The following NSUN4 variants were observed in gnomAD, a reference collection of about 807,000 sequenced individuals.
The protein encoded by NSUN4 is NOP2/Sun RNA methyltransferase 4, also known as 5-cytosine rRNA methyltransferase NSUN4.
In NSUN4, 31 loss-of-function variants were observed where a neutral mutation model predicts 43.8. The ratio of observed to expected loss-of-function variants is 0.71; its 90% CI spans 0.53 to 0.96. The LOEUF is 0.96. Among genes scored for constraint, NSUN4 ranks in the 40% least tolerant of loss-of-function variants. NSUN4 has a pLI of 0.00. For synonymous variants in NSUN4, 167 were observed against 184.1 expected, an observed-to-expected ratio of 0.91 and a Z score of 0.75; for missense variants, 439 against 475.6, an observed-to-expected ratio of 0.92 and a Z score of 0.72.
At chr1:46,360,920 C>G in intron 5 of NSUN4, 92 bp downstream of exon 5, 1 of 1,380,334 alleles carries the variant, frequency 7.2e-7, no homozygotes, top group Non-Finnish European at 1.0e-6. Context: ...ATAACCCACA[C>G]AAGAATCTTA....
chr1:46,348,811 T>TTTTG (rs1553176668), intron 3 of NSUN4, among the ~76,000 whole-genome samples: 1 of 118,296 alleles, frequency 8.5e-6, no homozygotes. Context: ...GTGCACTGTT[T>TTTTG]TTTTTTTTTT....
chr1:46,359,039 C>G (rs887757710), intron 4 of NSUN4, among the ~76,000 whole-genome samples: 1 of 152,044 alleles, frequency 6.6e-6, no homozygotes, highest in Admixed American at 6.5e-5. Flanking sequence ...GGGTAAATCA[C>G]CTGAGGTCAA....
chr1:46,346,843 G>C, intron 2 of NSUN4, 78 bp from the exon 3 acceptor site: 1 of 1,197,650 alleles, frequency 8.3e-7, no homozygotes, highest in Non-Finnish European at 1.2e-6. Flanking sequence ...GCCCCAGAGG[G>C]CATAGACTTG....
chr1:46,348,709 CAAAAAAAA>C (rs34999763), intron 3 of NSUN4, among the ~76,000 whole-genome samples: 572 of 52,126 alleles, frequency 0.011, 8 homozygotes, highest in African/African-American at 0.044. Flanking sequence ...AACTCTGTCT[CAAAAAAAA>C]AAAAAAAAAA....
chr1:46,361,167 A>G (rs1481172881), intron 5 of NSUN4, among the ~76,000 whole-genome samples: 1 of 152,114 alleles, frequency 6.6e-6, no homozygotes, highest in Non-Finnish European at 1.5e-5. Flanking sequence ...AACAAAAACA[A>G]AAAAGCAACC....
chr1:46,370,454 A>G, the NSUN4 span: 1 of 151,976 alleles, frequency 6.6e-6, no homozygotes, highest in Non-Finnish European at 1.5e-5. Flanking sequence ...TCTCTTGGAC[A>G]TGTAGTAGGC....
At chr1:46,360,183 T>C (rs1222148132) in intron 4 of NSUN4, among the ~76,000 whole-genome samples, 5 of 130,328 alleles carry the variant, frequency 3.8e-5, no homozygotes, top group Non-Finnish European at 6.2e-5. Context: ...GAGCCGAGAT[T>C]GCGCCACTGC....
the NSUN4 span, among the ~76,000 whole-genome samples, chr1:46,373,196 ATCCTTCACCAGCACTGCCCTTAAT>A: frequency 1.0e-3 from 159 of 152,220 alleles, 2 homozygotes; most frequent in South Asian, 0.017. Context: ...TTGTCTTCTG[ATCCTTCACCAGCACTGCCCTTAAT>A]GCTCCAGTCA....
chr1:46,377,633 A>G, the NSUN4 span, among the ~76,000 whole-genome samples: 1 of 152,258 alleles, frequency 6.6e-6, no homozygotes, highest in African/African-American at 2.4e-5. Context: ...TGTAGCTCTC[A>G]TGATCCAAAT....
chr1:46,357,272 TGG>T (rs2148405844), intron 4 of NSUN4, among the ~76,000 whole-genome samples: 1 of 152,312 alleles, frequency 6.6e-6, no homozygotes, highest in Non-Finnish European at 1.5e-5. Context: ...CTCTGCTTCC[TGG>T]GCTCAAGCAA....
At chr1:46,343,290 TCTTTTATCC>T in intron 1 of NSUN4, 1 of 399,750 alleles carries the variant, frequency 2.5e-6, no homozygotes, top group Non-Finnish European at 4.4e-6. Flanking sequence ...CCACATCTAT[TCTTTTATCC>T]CTTTGAGAAC....
chr1:46,376,303 G>A, the NSUN4 span, among the ~76,000 whole-genome samples: 4 of 151,514 alleles, frequency 2.6e-5, no homozygotes, highest in Admixed American at 1.3e-4. Flanking sequence ...CCAGCTACTC[G>A]GGAGGCTGAG....
chr1:46,359,170 G>A (rs1247870037), intron 4 of NSUN4, among the ~76,000 whole-genome samples: 4 of 152,064 alleles, frequency 2.6e-5, no homozygotes, highest in African/African-American at 9.7e-5. Flanking sequence ...TGAGGTGGGA[G>A]AATCGCTTGA....
At position 46,346,952 on chromosome 1, in the gene NSUN4, C is replaced by G. The variant is rs747480251; in HGVS notation, c.469C>G (p.Leu157Val). Residue 157 changes from leucine to valine, a missense_variant, in exon 3 of 6, where the codon CTG becomes GTG. Transcript: ENST00000474844. ...PGSLGVMEYYLMDAASLLPVL... is the reference protein window; with the variant it reads ...PGSLGVMEYYVMDAASLLPVL... Reference sequence around the variant, plus strand: ...CAGCCTGGGTGTCATGGAGTACTACCTGATGGATGCTGCCTCCTTGCTGCC... The same window carrying G: ...CAGCCTGGGTGTCATGGAGTACTACGTGATGGATGCTGCCTCCTTGCTGCC... 1 of 1,614,084 alleles carries G rather than the reference C, an allele frequency of 6.2e-7. No individual in the cohort carries two copies. Among genetic ancestry groups the G allele is most frequent in the African/African-American group, 1.3e-5 (1 of 75,046 alleles).
the NSUN4 span, among the ~76,000 whole-genome samples, chr1:46,372,406 A>G: frequency 2.6e-5 from 4 of 151,882 alleles, no homozygotes; most frequent in Non-Finnish European, 5.9e-5. Flanking sequence ...GCCTCCCAAA[A>G]TGCTGGGGTT....
chr1:46,346,930 C>G lies in NSUN4; in HGVS notation c.447C>G (p.Ser149Arg), dbSNP rs940135227. Reference sequence around the variant, plus strand: ...GTCTCCTCTTTTCCAGACCTGGCAGCCTGGGTGTCATGGAGTACTACCTGA... The same window carrying G: ...GTCTCCTCTTTTCCAGACCTGGCAGGCTGGGTGTCATGGAGTACTACCTGA... ...ISRFPPARPGSLGVMEYYLMD... is the reference protein window; with the variant it reads ...ISRFPPARPGRLGVMEYYLMD... Residue 149 changes from serine to arginine, a missense_variant, in exon 3 of 6, where the codon AGC (serine) becomes AGG (arginine). By Grantham distance (110) the Ser-to-Arg change is moderately radical (BLOSUM62 -1). Coordinates refer to ENST00000474844, the MANE Select transcript of NSUN4 (RefSeq NM_199044.4). The G allele has an allele frequency of 2.1e-5, 34 of 1,613,110 alleles. No homozygotes were observed. The highest frequency in any genetic ancestry group is 2.7e-5 in the Non-Finnish European group (32 of 1,179,664).
At chr1:46,348,652 T>C (rs1662704932) in intron 3 of NSUN4, among the ~76,000 whole-genome samples, 1 of 137,448 alleles carries the variant, frequency 7.3e-6, no homozygotes, top group Admixed American at 8.6e-5. Context: ...GAGGTTGCAG[T>C]GAGCTGAGAT....
chr1:46,360,938 A>G (rs1569771276), intron 5 of NSUN4, 110 bp downstream of exon 5: 3 of 1,219,828 alleles, frequency 2.5e-6, no homozygotes, highest in Non-Finnish European at 3.5e-6. Context: ...TTATGGCTGG[A>G]GATCTGCCTA....
chr1:46,350,987 T>A (rs58162700), intron 3 of NSUN4, among the ~76,000 whole-genome samples: 34,129 of 152,186 alleles, frequency 0.22, 4,296 homozygotes, highest in Non-Finnish European at 0.29. Context: ...GTCAGCCTTT[T>A]AAAAATATCT....
Sources: gnomAD v4.1 joint callset for allele counts (sites outside exome capture counted in the v4.1 genomes callset) on GRCh38, gnomAD v4.1.1 for gene constraint, MANE v1.5 for transcripts, NCBI Gene and HGNC (gene_info 2026-07-23, HGNC 2026-07-21) for gene names.